The following SEL1L2 variants were observed in gnomAD, a reference collection of about 807,000 sequenced individuals.
SEL1L2 encodes protein sel-1 homolog 2.
SEL1L2 carries 89 observed loss-of-function variants against 98.8 expected under a neutral mutation model. That is an observed-to-expected ratio of 0.90 (90% CI 0.76 to 1.07). SEL1L2 has a LOEUF of 1.07. Ranked by LOEUF, SEL1L2 falls within the 50% of genes least tolerant of loss-of-function variation. SEL1L2 has a pLI of 0.00. For missense variants in SEL1L2, 788 were observed against 812.0 expected (o/e 0.97, Z 0.36); for synonymous variants, 262 against 278.5 (o/e 0.94, Z 0.59).
upstream of SEL1L2, among the ~76,000 whole-genome samples, chr20:13,994,618 A>C (rs2052599410): frequency 6.6e-6 from 1 of 152,152 alleles, no homozygotes; most frequent in African/African-American, 2.4e-5. Context: ...ATTATAGGTC[A>C]CCCTACTCAT....
At chr20:13,924,643 T>A (rs1454625983) in intron 3 of SEL1L2, among the ~76,000 whole-genome samples, 1 of 152,080 alleles carries the variant, frequency 6.6e-6, no homozygotes, top group Non-Finnish European at 1.5e-5. Context: ...CAGGTTGTTC[T>A]CTAATCCTTG....
At chr20:13,926,070 G>C (rs905687526) in intron 3 of SEL1L2, among the ~76,000 whole-genome samples, 2 of 152,224 alleles carry the variant, frequency 1.3e-5, no homozygotes, top group Admixed American at 6.5e-5. Flanking sequence ...TGTAATCCCA[G>C]CGCTTTGGGA....
chr20:13,966,927 G>T (rs1295855977), intron 1 of SEL1L2, among the ~76,000 whole-genome samples: 1 of 136,514 alleles, frequency 7.3e-6, no homozygotes, highest in Non-Finnish European at 1.5e-5. Flanking sequence ...TGTCACCCAG[G>T]CTGGAGTGCA....
At chr20:13,949,596 G>A (rs765101812) in intron 2 of SEL1L2, among the ~76,000 whole-genome samples, 6 of 152,096 alleles carry the variant, frequency 3.9e-5, no homozygotes, top group African/African-American at 9.7e-5. Flanking sequence ...CCAGGAGGCC[G>A]AGCTTGCAGT....
At chr20:13,923,465 C>T (rs2048747578) in intron 3 of SEL1L2, among the ~76,000 whole-genome samples, 1 of 152,252 alleles carries the variant, frequency 6.6e-6, no homozygotes, top group East Asian at 1.9e-4. Flanking sequence ...CATTTTTTTA[C>T]TTAAAAAGAT....
chr20:13,933,286 C>G (rs747467351), intron 2 of SEL1L2, among the ~76,000 whole-genome samples: 1 of 152,008 alleles, frequency 6.6e-6, no homozygotes, highest in Non-Finnish European at 1.5e-5. Context: ...ATATATTAAC[C>G]CATTTAAAGT....
intron 18 of SEL1L2, among the ~76,000 whole-genome samples, chr20:13,858,207 A>G (rs1989471694): frequency 6.6e-6 from 1 of 152,182 alleles, no homozygotes; most frequent in Non-Finnish European, 1.5e-5. Flanking sequence ...GTTCTCAAAT[A>G]GGAAATTCCC....
At position 13,870,159 on chromosome 20, in the gene SEL1L2, A is replaced by G. The variant is rs762238393; in HGVS notation, c.1149T>C (p.His383=). The change falls in exon 13 of 20, where the codon CAT becomes CAC. Residue 383 remains histidine (H), a synonymous_variant. Transcript: ENST00000284951. Reference sequence around the variant, plus strand: ...AACTTACCAGGGGAACTCCTTTTCCATGAAAGTAAAGAAGACCAAGCCCAT... The same window carrying G: ...AACTTACCAGGGGAACTCCTTTTCCGTGAAAGTAAAGAAGACCAAGCCCAT... ...GLHGLGLLYF[H]GKGVPLNYAE... is the part of the protein sequence containing the mutation. 34 of 1,609,942 alleles carry G rather than the reference A, an allele frequency of 2.1e-5. No individual in the cohort carries two copies. The highest frequency in any genetic ancestry group is 2.9e-5 in the Non-Finnish European group (34 of 1,177,168).
At chr20:13,904,127 T>C (rs1412895513) in intron 5 of SEL1L2, among the ~76,000 whole-genome samples, 1 of 152,258 alleles carries the variant, frequency 6.6e-6, no homozygotes, top group African/African-American at 2.4e-5. Flanking sequence ...TCCTTAAACT[T>C]GGAAATTGAC....
At chr20:13,884,447 C>T (rs16994193) in intron 10 of SEL1L2, among the ~76,000 whole-genome samples, 11,865 of 152,178 alleles carry the variant, frequency 0.078, 495 homozygotes, top group African/African-American at 0.1. Context: ...AGGTGAAGTT[C>T]ATTTGTTCAT....
chr20:13,885,484 T>G (rs1289353661), intron 9 of SEL1L2, 81 bp from the exon 10 acceptor site: 1 of 925,784 alleles, frequency 1.1e-6, no homozygotes, highest in Non-Finnish European at 1.8e-6. Context: ...GATTTTACTT[T>G]AGTATGTTGA....
chr20:13,923,604 A>G (rs1251412318), intron 3 of SEL1L2, among the ~76,000 whole-genome samples: 1 of 152,172 alleles, frequency 6.6e-6, no homozygotes, highest in East Asian at 1.9e-4. Context: ...TAATACAAAA[A>G]TTAGCTGAGC....
At chr20:13,979,825 A>G (rs1046225921) in intron 1 of SEL1L2, among the ~76,000 whole-genome samples, 1 of 152,216 alleles carries the variant, frequency 6.6e-6, no homozygotes, top group Non-Finnish European at 1.5e-5. Flanking sequence ...TATAACCCCA[A>G]AAAGCATAAG....
upstream of SEL1L2, among the ~76,000 whole-genome samples, chr20:13,993,233 A>G (rs1378097808): frequency 1.3e-5 from 2 of 152,206 alleles, no homozygotes. Flanking sequence ...CCAGACTTAT[A>G]CAGACCGCTC....
intron 1 of SEL1L2, among the ~76,000 whole-genome samples, chr20:13,988,339 T>C (rs967142605): frequency 7.9e-5 from 12 of 152,210 alleles, no homozygotes; most frequent in Non-Finnish European, 1.3e-4. Context: ...TGCCTAGCCT[T>C]TAAAAACTGT....
chr20:13,862,969 T>C (rs1990413386), intron 17 of SEL1L2, among the ~76,000 whole-genome samples: 1 of 152,118 alleles, frequency 6.6e-6, no homozygotes, highest in Non-Finnish European at 1.5e-5. Context: ...AGTGCTAGGA[T>C]TACAGGCATG....
upstream of SEL1L2, among the ~76,000 whole-genome samples, chr20:13,991,051 C>T (rs2052517441): frequency 6.6e-6 from 1 of 152,178 alleles, no homozygotes; most frequent in Non-Finnish European, 1.5e-5. Context: ...ATCCTCTTTT[C>T]CAGTTAGAAA....
chr20:13,850,113 T>A, intron 19 of SEL1L2, 78 bp downstream of exon 19: 1 of 1,551,316 alleles, frequency 6.4e-7, no homozygotes, highest in Admixed American at 1.7e-5. Context: ...GACTCCCTGA[T>A]GGGCCTTGTC....
intron 3 of SEL1L2, among the ~76,000 whole-genome samples, chr20:13,924,791 A>T (rs2048810674): frequency 6.6e-6 from 1 of 152,008 alleles, no homozygotes; most frequent in African/African-American, 2.4e-5. Flanking sequence ...TTTCTTAACC[A>T]TTTTAAAATA....
Sources: gnomAD v4.1 joint callset for allele counts (sites outside exome capture counted in the v4.1 genomes callset) on GRCh38, gnomAD v4.1.1 for gene constraint, MANE v1.5 for transcripts, NCBI Gene and HGNC (gene_info 2026-07-23, HGNC 2026-07-21) for gene names.